The following NDRG4 variants were observed in gnomAD, a reference collection of about 807,000 sequenced individuals.
The protein encoded by NDRG4 is NDRG family member 4.
A neutral mutation model predicts 55.8 loss-of-function variants in NDRG4; 38 were observed. The observed-to-expected ratio is 0.68, with a 90% CI of 0.53 to 0.89. The LOEUF is 0.89. Among genes scored for constraint, NDRG4 ranks in the 40% least tolerant of loss-of-function variants. NDRG4 has a pLI of 0.00. For synonymous variants in NDRG4, 190 were observed against 182.7 expected (o/e 1.04, Z -0.32); for missense variants, 455 against 468.6 (o/e 0.97, Z 0.27).
In NDRG4 at chr16:58,513,197, T is replaced by TGTGTAC. The variant is rs199863068; in HGVS notation, c.*1621_*1622insGTGTAC. The TGTGTAC allele has an allele frequency of 6.9e-6, 1 of 145,448 alleles. No homozygotes were observed. The highest frequency in any genetic ancestry group is 7.1e-5 in the Admixed American group (1 of 14,066). The allele number at this position is 145,448 out of a possible 1,614,324, so 9.0% of individuals were successfully genotyped here. A position where few individuals can be genotyped will look rare whatever the true frequency, so the allele number is the denominator to read the frequency against. On this transcript the variant is annotated 3_prime_UTR_variant, in exon 15 of 15. Coordinates refer to ENST00000570248, the MANE Select transcript of NDRG4 (RefSeq NM_001242835.2). ...GTGTGTGTGTGTGTGTGTGTGTGTG[T>TGTGTAC]ACATCGGGTCCTCCCATGTGTGGTG...
intron 11 of NDRG4, 34 bp from the exon 12 acceptor site, chr16:58,509,120 C>G (rs943090677): frequency 6.2e-7 from 1 of 1,613,850 alleles, no homozygotes; most frequent in African/African-American, 1.3e-5. Context: ...GGAGTGAGGG[C>G]CCTGCTCAGG....
Position 58,511,478 on chromosome 16 carries a change from G to A in NDRG4, c.961G>A (p.Ala321Thr), listed in dbSNP as rs879136307. Residue 321 changes from alanine (A) to threonine (T), a missense_variant, in exon 15 of 15, where the codon GCC becomes ACC. Transcript: ENST00000570248. ...CTCCCGCACTGCATCCCTCACCAGTGCCAGCTCGGTGGATGGCAGCCGCCC... is the reference window on the plus strand; with the variant it reads ...CTCCCGCACTGCATCCCTCACCAGTACCAGCTCGGTGGATGGCAGCCGCCC... ...ARSRTASLTS[A>T]SSVDGSRPQA... is the part of the protein sequence containing the mutation. 1 of 1,612,852 alleles carries A rather than the reference G, an allele frequency of 6.2e-7. No homozygotes were observed.
chr16:58,467,103 G>A (rs898969933), intron 1 of NDRG4, among the ~76,000 whole-genome samples: 5 of 152,196 alleles, frequency 3.3e-5, no homozygotes, highest in Non-Finnish European at 5.9e-5. Flanking sequence ...TGCTGACTGA[G>A]GCTAGGCTCA....
chr16:58,487,973 T>TGTGGCTCCTGA, intron 2 of NDRG4: 1 of 670,150 alleles, frequency 1.5e-6, no homozygotes, highest in Non-Finnish European at 2.3e-6. Flanking sequence ...AGAAGCCCTG[T>TGTGGCTCCTGA]CCCTGCCTGT....
chr16:58,506,808 A>C, intron 7 of NDRG4, 104 bp from the exon 8 acceptor site: 1 of 1,246,576 alleles, frequency 8.0e-7, no homozygotes, highest in Non-Finnish European at 1.1e-6. Flanking sequence ...CTGCCTGCTG[A>C]GTGGGGCAAG....
At chr16:58,489,919 A>T (rs1453488980) in intron 2 of NDRG4, among the ~76,000 whole-genome samples, 1 of 151,718 alleles carries the variant, frequency 6.6e-6, no homozygotes, top group Non-Finnish European at 1.5e-5. Flanking sequence ...ATCATAGCCC[A>T]CTGCAGCCTC....
At chr16:58,487,708 C>T (rs2035267041) in intron 1 of NDRG4, 1 of 1,419,606 alleles carries the variant, frequency 7.0e-7, no homozygotes, top group Non-Finnish European at 9.5e-7. Flanking sequence ...CCTTCTCCGC[C>T]CGGGCGTCCC....
chr16:58,488,078 T>C (rs2035331495), intron 2 of NDRG4, among the ~76,000 whole-genome samples: 1 of 151,972 alleles, frequency 6.6e-6, no homozygotes. Flanking sequence ...ACAGGAGAGT[T>C]ATCCCGGCTT....
chr16:58,474,457 C>T (rs965565728), intron 1 of NDRG4, among the ~76,000 whole-genome samples: 2 of 152,128 alleles, frequency 1.3e-5, no homozygotes, highest in African/African-American at 4.8e-5. Flanking sequence ...TCCCAACGCT[C>T]GCTCCTGGAT....
intron 1 of NDRG4, among the ~76,000 whole-genome samples, chr16:58,469,637 T>G (rs905673997): frequency 6.6e-6 from 1 of 152,198 alleles, no homozygotes; most frequent in Non-Finnish European, 1.5e-5. Context: ...AGCAGTGCAT[T>G]CATACCAGAG....
intron 1 of NDRG4, among the ~76,000 whole-genome samples, chr16:58,476,295 T>C (rs990257981): frequency 7.9e-5 from 12 of 152,252 alleles, no homozygotes; most frequent in African/African-American, 2.9e-4. Context: ...TAGGACTCTT[T>C]CACTGGTTCC....
At chr16:58,475,687 A>C (rs1041349235) in intron 1 of NDRG4, 9 of 455,556 alleles carry the variant, frequency 2.0e-5, no homozygotes, top group African/African-American at 1.8e-4. Flanking sequence ...CTATATCACT[A>C]CTATGCCACC....
chr16:58,477,180 A>ATG (rs1170367127), intron 1 of NDRG4, among the ~76,000 whole-genome samples: 1 of 150,918 alleles, frequency 6.6e-6, no homozygotes, highest in Non-Finnish European at 1.5e-5. Context: ...ATATATATGT[A>ATG]TGTGTGTGTG....
chr16:58,494,044 G>C (rs1567597215), intron 2 of NDRG4, among the ~76,000 whole-genome samples: 1 of 152,198 alleles, frequency 6.6e-6, no homozygotes, highest in Non-Finnish European at 1.5e-5. Context: ...TAACCTGTGG[G>C]TGCATTTTGA....
intron 2 of NDRG4, 125 bp from the exon 3 acceptor site, chr16:58,504,029 C>T (rs372278828): frequency 2.5e-5 from 39 of 1,567,594 alleles, no homozygotes; most frequent in Middle Eastern, 2.0e-4. Flanking sequence ...CTTCGCCCTC[C>T]GGGCCTCCAT....
At chr16:58,473,778 C>A (rs555118336) in intron 1 of NDRG4, among the ~76,000 whole-genome samples, 1 of 152,126 alleles carries the variant, frequency 6.6e-6, no homozygotes, top group Non-Finnish European at 1.5e-5. Flanking sequence ...CCATTTCCAC[C>A]CTAACCCCCA....
rs148985971 is a variant in NDRG4 at position 58,478,311 on chromosome 16, C to T, written c.-23-9445C>T. Among the ~76,000 whole-genome samples, 23 of 151,532 alleles carry T rather than the reference C, an allele frequency of 1.5e-4. No individual in the cohort carries two copies. The East Asian group carries it at 3.9e-3, about 26-fold the overall frequency. ...GGCTGAGGCAGGAGAATCACTTGAA[C>T]GTGGGAGGCAGAGGTTGCAGTGAGC... is the stretch of plus-strand genomic sequence containing the variant. On this transcript the variant is annotated intron_variant, in intron 1 of 15. Coordinates refer to the NDRG4 transcript ENST00000258187.
chr16:58,471,186 CTTTTTTTT>C (rs528375397), intron 1 of NDRG4, among the ~76,000 whole-genome samples: 922 of 67,082 alleles, frequency 0.014, 14 homozygotes, highest in African/African-American at 0.05. Context: ...ATGTGTGTTG[CTTTTTTTT>C]TTTTTTTTTT....
Position 58,464,568 on chromosome 16 carries a change from G to A in NDRG4, c.-24+771G>A. The A allele has an allele frequency of 2.7e-6, 3 of 1,125,636 alleles. No homozygotes were observed. Among genetic ancestry groups the A allele is most frequent in the Middle Eastern group, 2.3e-4 (1 of 4,436 alleles). The allele number at this position is 1,125,636 out of a possible 1,614,324, so 69.7% of individuals were successfully genotyped here. On this transcript the variant is annotated intron_variant, in intron 1 of 15. Transcript: ENST00000258187. This position sits in a 1 kb window ranked among gnomAD's most constrained non-coding sequence, Gnocchi z 4.8. Reference sequence around the variant, plus strand: ...GGGGCGGCTCGGGTCTGAGCAGGAAGGGGTGCGGACCCCAACTAAGTCCTA... The same window carrying A: ...GGGGCGGCTCGGGTCTGAGCAGGAAAGGGTGCGGACCCCAACTAAGTCCTA...
Sources: allele counts gnomAD v4.1 joint callset (sites outside exome capture counted in the v4.1 genomes callset), GRCh38; gene constraint gnomAD v4.1.1; non-coding constraint Gnocchi (gnomAD v3.1); transcripts MANE v1.5; gene names NCBI Gene and HGNC (gene_info 2026-07-23, HGNC 2026-07-21).